The following TNR variants were observed in gnomAD, a reference collection of about 807,000 sequenced individuals.
TNR encodes the protein tenascin-R.
A neutral mutation model predicts 150.4 loss-of-function variants in TNR; 45 were observed. The ratio of observed to expected loss-of-function variants is 0.30; its 90% confidence interval spans 0.24 to 0.38. The LOEUF (loss-of-function observed/expected upper bound fraction) is 0.38, where lower values mean the gene tolerates loss of function less well. TNR is among the 10% of genes least tolerant of loss of function. TNR has a pLI of 1.00. For missense variants in TNR, 1,544 were observed against 1,759.1 expected (o/e 0.88, Z 2.19); for synonymous variants, 687 against 678.4 (o/e 1.01, Z -0.20).
chr1:175,697,337 C>CT (rs1262400383), intron 1 of TNR, among the ~76,000 whole-genome samples: 1 of 135,538 alleles, frequency 7.4e-6, no homozygotes, highest in Non-Finnish European at 1.6e-5. Context: ...CAAACAGCTC[C>CT]TTTCTACGTC....
chr1:175,458,155 G>A (rs1656647170), intron 2 of TNR, among the ~76,000 whole-genome samples: 1 of 152,236 alleles, frequency 6.6e-6, no homozygotes, highest in Non-Finnish European at 1.5e-5. Flanking sequence ...AGCAGTAGTA[G>A]CAGTAAATGC....
intron 21 of TNR, among the ~76,000 whole-genome samples, chr1:175,326,999 C>A (rs1399463063): frequency 1.3e-5 from 2 of 151,998 alleles, no homozygotes; most frequent in African/African-American, 2.4e-5. Flanking sequence ...CACCTCCTCT[C>A]ACCTTAAGTT....
At chr1:175,628,287 G>T (rs1201682331) in intron 1 of TNR, among the ~76,000 whole-genome samples, 1 of 152,130 alleles carries the variant, frequency 6.6e-6, no homozygotes, top group Non-Finnish European at 1.5e-5. Flanking sequence ...CTCTCCTACA[G>T]GTTCCTAGAG....
chr1:175,531,778 T>A (rs1279837773), intron 1 of TNR, among the ~76,000 whole-genome samples: 2 of 152,236 alleles, frequency 1.3e-5, no homozygotes, highest in African/African-American at 4.8e-5. Context: ...CTAGAAAATG[T>A]GCATTATATT....
At chr1:175,412,176 G>A (rs1269852830) in intron 2 of TNR, among the ~76,000 whole-genome samples, 3 of 152,170 alleles carry the variant, frequency 2.0e-5, no homozygotes, top group Non-Finnish European at 4.4e-5. Context: ...GGGCAGATGA[G>A]CCAAGACTGA....
chr1:175,531,343 A>G (rs1557989889), intron 1 of TNR, among the ~76,000 whole-genome samples: 1 of 152,236 alleles, frequency 6.6e-6, no homozygotes, highest in Admixed American at 6.5e-5. Flanking sequence ...CCCTAATGAT[A>G]TCACACAAAG....
intron 1 of TNR, among the ~76,000 whole-genome samples, chr1:175,703,961 G>A (rs1258526602): frequency 1.3e-5 from 2 of 152,148 alleles, no homozygotes; most frequent in Admixed American, 1.3e-4. Flanking sequence ...ATTGTATTGT[G>A]TATGGTAGTC....
chr1:175,425,203 G>A (rs1204669165), intron 2 of TNR, among the ~76,000 whole-genome samples: 1 of 152,104 alleles, frequency 6.6e-6, no homozygotes, highest in Non-Finnish European at 1.5e-5. Flanking sequence ...CACTACTAGG[G>A]TCAGAGCCAG....
chr1:175,730,416 G>A (rs1667607341), intron 1 of TNR, among the ~76,000 whole-genome samples: 1 of 152,138 alleles, frequency 6.6e-6, no homozygotes, highest in South Asian at 2.1e-4. Flanking sequence ...TTATCTTTGT[G>A]ACTCCCCCTC....
chr1:175,738,170 T>C (rs1162287456), intron 1 of TNR, among the ~76,000 whole-genome samples: 1 of 152,092 alleles, frequency 6.6e-6, no homozygotes, highest in Non-Finnish European at 1.5e-5. Flanking sequence ...TTTTAACTCA[T>C]GGGAGTGTCA....
chr1:175,618,177 A>G (rs568643536), intron 1 of TNR, among the ~76,000 whole-genome samples: 2 of 152,348 alleles, frequency 1.3e-5, no homozygotes, highest in South Asian at 2.1e-4. Flanking sequence ...ATTGTATGGA[A>G]ATAGATCTGG....
At chr1:175,534,500 A>T (rs772694201) in intron 1 of TNR, among the ~76,000 whole-genome samples, 2 of 152,204 alleles carry the variant, frequency 1.3e-5, no homozygotes, top group Non-Finnish European at 2.9e-5. Flanking sequence ...GATTATTTGA[A>T]TGAGTCCTCA....
chr1:175,492,826 T>C (rs1036622466), intron 2 of TNR, among the ~76,000 whole-genome samples: 5 of 152,192 alleles, frequency 3.3e-5, no homozygotes, highest in African/African-American at 1.2e-4. Context: ...ATTCACTCTA[T>C]TTTTATGTAT....
At chr1:175,334,924 A>G (rs1650154521) in intron 20 of TNR, among the ~76,000 whole-genome samples, 1 of 152,220 alleles carries the variant, frequency 6.6e-6, no homozygotes, top group Non-Finnish European at 1.5e-5. Flanking sequence ...CATGTGGACA[A>G]TGGGGTGGTC....
chr1:175,686,572 C>G (rs975795059), intron 1 of TNR, among the ~76,000 whole-genome samples: 2 of 152,116 alleles, frequency 1.3e-5, no homozygotes, highest in African/African-American at 4.8e-5. Flanking sequence ...TTTCATAATG[C>G]TTCGATTGAG....
intron 1 of TNR, among the ~76,000 whole-genome samples, chr1:175,565,230 G>A (rs932743175): frequency 6.6e-6 from 1 of 152,148 alleles, no homozygotes; most frequent in Non-Finnish European, 1.5e-5. Context: ...AAGAGTGGGC[G>A]AGGATACGTT....
At chr1:175,616,651 C>A (rs1663786374) in intron 1 of TNR, among the ~76,000 whole-genome samples, 1 of 152,130 alleles carries the variant, frequency 6.6e-6, no homozygotes, top group South Asian at 2.1e-4. Context: ...TCCCCGCTGG[C>A]CATGCTCCCA....
chr1:175,526,921 G>A (rs1659868132), intron 2 of TNR, among the ~76,000 whole-genome samples: 1 of 152,218 alleles, frequency 6.6e-6, no homozygotes, highest in African/African-American at 2.4e-5. Flanking sequence ...CCTGTGAGGT[G>A]GTTCAGACAC....
chr1:175,566,412 T>G (rs7516879), intron 1 of TNR, among the ~76,000 whole-genome samples: 30,972 of 151,818 alleles, frequency 0.2, 4,857 homozygotes, highest in African/African-American at 0.44. Flanking sequence ...TGTTTGAGAG[T>G]CTCTGGCAGA....
Sources: gnomAD v4.1 joint callset for allele counts (sites outside exome capture counted in the v4.1 genomes callset) on GRCh38, gnomAD v4.1.1 for gene constraint, MANE v1.5 for transcripts, NCBI Gene and HGNC (gene_info 2026-07-23, HGNC 2026-07-21) for gene names.